The following NKAIN2 variants were observed in gnomAD, a reference collection of about 807,000 sequenced individuals.
NKAIN2 encodes the protein sodium/potassium-transporting ATPase subunit beta-1-interacting protein 2.
A neutral mutation model predicts 32.6 loss-of-function variants in NKAIN2; 14 were observed. The ratio of observed to expected loss-of-function variants is 0.43; its 90% CI spans 0.28 to 0.67. NKAIN2 has a LOEUF of 0.67. Ranked by LOEUF, NKAIN2 falls within the 30% of genes least tolerant of loss-of-function variation. The pLI is 0.17. For synonymous variants in NKAIN2, 80 were observed against 87.2 expected, an observed-to-expected ratio of 0.92 and a Z score of 0.46; for missense variants, 198 against 258.3, an observed-to-expected ratio of 0.77 and a Z score of 1.60.
chr6:123,987,664 A>G (rs1308477399), intron 1 of NKAIN2, among the ~76,000 whole-genome samples: 3 of 152,090 alleles, frequency 2.0e-5, no homozygotes, highest in Non-Finnish European at 4.4e-5. Flanking sequence ...CCTGGCTGTT[A>G]GTTGGAGCTG....
intron 1 of NKAIN2, among the ~76,000 whole-genome samples, chr6:123,892,811 C>T (rs937323129): frequency 1.3e-5 from 2 of 151,602 alleles, no homozygotes; most frequent in Admixed American, 1.3e-4. Context: ...GGTGAAGGGG[C>T]TCTCCACCCC....
chr6:124,083,842 A>G (rs557455129), intron 1 of NKAIN2, among the ~76,000 whole-genome samples: 19 of 152,046 alleles, frequency 1.2e-4, no homozygotes, highest in African/African-American at 3.4e-4. Flanking sequence ...TAAAGACACT[A>G]TGGTTACAGA....
At chr6:124,175,548 A>T (rs1459040173) in intron 1 of NKAIN2, among the ~76,000 whole-genome samples, 1 of 152,216 alleles carries the variant, frequency 6.6e-6, no homozygotes, top group Non-Finnish European at 1.5e-5. Context: ...AATGAAAATC[A>T]CTTACATGTT....
chr6:123,862,859 G>A (rs931327831), intron 1 of NKAIN2, among the ~76,000 whole-genome samples: 4 of 152,074 alleles, frequency 2.6e-5, no homozygotes, highest in African/African-American at 9.7e-5. Context: ...TCATGTATCT[G>A]TCATTTTCCT....
chr6:124,263,385 A>G (rs1218165582), intron 1 of NKAIN2, among the ~76,000 whole-genome samples: 1 of 152,216 alleles, frequency 6.6e-6, no homozygotes, highest in East Asian at 1.9e-4. Flanking sequence ...GCATCCGTAG[A>G]AAACGAGGTT....
At chr6:124,565,145 T>C (rs948921222) in intron 3 of NKAIN2, among the ~76,000 whole-genome samples, 2 of 152,102 alleles carry the variant, frequency 1.3e-5, no homozygotes, top group Non-Finnish European at 2.9e-5. Context: ...CACAGGGCAA[T>C]AGAGGTATCA....
At chr6:123,938,370 G>A (rs1465066327) in intron 1 of NKAIN2, among the ~76,000 whole-genome samples, 9 of 132,232 alleles carry the variant, frequency 6.8e-5, no homozygotes, top group African/African-American at 1.4e-4. Flanking sequence ...TGCAATTGCC[G>A]TGAAACCAGA....
chr6:124,224,770 T>A (rs1044500831), intron 1 of NKAIN2, among the ~76,000 whole-genome samples: 5 of 152,126 alleles, frequency 3.3e-5, no homozygotes, highest in African/African-American at 1.2e-4. Flanking sequence ...ATAAGTGATA[T>A]GTTTTCCACT....
In NKAIN2 at chr6:124,804,934, C is replaced by T. The variant is rs970650135; in HGVS notation, c.536-13453C>T. On this transcript the variant is annotated intron_variant, in intron 5 of 6. Coordinates refer to ENST00000368417, the MANE Select transcript of NKAIN2 (RefSeq NM_001040214.3). Reference sequence around the variant, plus strand: ...ATCAAACTGCAAGGCGGCAGCGAGGCTGGGGGAAGGGCGCCCGCCATTGCC... The same window carrying T: ...ATCAAACTGCAAGGCGGCAGCGAGGTTGGGGGAAGGGCGCCCGCCATTGCC... Among the ~76,000 whole-genome samples, 700 of 152,298 alleles carry T rather than the reference C, an allele frequency of 4.6e-3. 5 individuals are homozygous for T. The highest frequency in any genetic ancestry group is 0.016 in the African/African-American group (667 of 41,564).
intron 3 of NKAIN2, among the ~76,000 whole-genome samples, chr6:124,645,657 C>T (rs1470213091): frequency 2.0e-5 from 3 of 152,112 alleles, no homozygotes. Context: ...TAATGTATAA[C>T]AAAGCACCAA....
At chr6:123,981,122 C>T (rs1778876264) in intron 1 of NKAIN2, among the ~76,000 whole-genome samples, 1 of 152,150 alleles carries the variant, frequency 6.6e-6, no homozygotes, top group South Asian at 2.1e-4. Context: ...CCACCTCGGC[C>T]TCTCAAAATG....
intron 1 of NKAIN2, among the ~76,000 whole-genome samples, chr6:123,903,835 A>C (rs906797875): frequency 1.3e-5 from 2 of 152,196 alleles, no homozygotes; most frequent in African/African-American, 4.8e-5. Flanking sequence ...GATAGGATGA[A>C]AACCCTTGCC....
At chr6:124,090,482 C>T (rs996986220) in intron 1 of NKAIN2, among the ~76,000 whole-genome samples, 2 of 151,852 alleles carry the variant, frequency 1.3e-5, no homozygotes, top group Non-Finnish European at 2.9e-5. Context: ...GAAGCTTTAC[C>T]ATATTCTGGG....
chr6:123,810,579 T>C (rs1773418976), intron 1 of NKAIN2, among the ~76,000 whole-genome samples: 1 of 152,122 alleles, frequency 6.6e-6, no homozygotes, highest in African/African-American at 2.4e-5. Flanking sequence ...CAGATAACCA[T>C]GAAATAGGGT....
At chr6:124,626,218 T>C (rs1362597359) in intron 3 of NKAIN2, among the ~76,000 whole-genome samples, 1 of 151,298 alleles carries the variant, frequency 6.6e-6, no homozygotes, top group Non-Finnish European at 1.5e-5. Context: ...GTAATTGCCA[T>C]GGTCTGAACT....
chr6:124,305,910 CTTTCT>C (rs1048769648), intron 2 of NKAIN2, among the ~76,000 whole-genome samples: 4 of 152,012 alleles, frequency 2.6e-5, no homozygotes, highest in African/African-American at 9.7e-5. Flanking sequence ...TTTCCTAATT[CTTTCT>C]TTTCTTCTTT....
At chr6:124,277,428 CGTGTGTGTGTGT>C (rs56300244) in intron 1 of NKAIN2, among the ~76,000 whole-genome samples, 2 of 145,218 alleles carry the variant, frequency 1.4e-5, no homozygotes, top group African/African-American at 2.5e-5. Context: ...GTCTGTGTGT[CGTGTGTGTGTGT>C]GTGTGTGTGT....
rs138067345 is a variant in NKAIN2 at position 124,285,893 on chromosome 6, AAAGGAAATCAT to A, written c.192+2759_192+2769del. 4.0e-3 allele frequency among the ~76,000 whole-genome samples: 608 copies of A among 152,340 alleles called. 4 individuals are homozygous for A. Among genetic ancestry groups the A allele is most frequent in the African/African-American group, 0.014 (587 of 41,580 alleles). On this transcript the variant is annotated intron_variant, in intron 2 of 6. Transcript: ENST00000368417. ...AAGCTAAAGAAAAGAAAATGTTATT[AAAGGAAATCAT>A]AAGGAAAATATATTTATTATTGATT...
chr6:124,602,844 C>T (rs934152351), intron 3 of NKAIN2, among the ~76,000 whole-genome samples: 4 of 151,842 alleles, frequency 2.6e-5, no homozygotes, highest in African/African-American at 9.7e-5. Context: ...AGAACAAACC[C>T]CCTTGCATCC....
Sources: gnomAD v4.1 joint callset for allele counts (sites outside exome capture counted in the v4.1 genomes callset) on GRCh38, gnomAD v4.1.1 for gene constraint, MANE v1.5 for transcripts, NCBI Gene and HGNC (gene_info 2026-07-23, HGNC 2026-07-21) for gene names.